The following PARN variants were observed in gnomAD, a reference collection of about 807,000 sequenced individuals.
PARN encodes poly(A)-specific ribonuclease PARN.
A neutral mutation model predicts 102.8 loss-of-function variants in PARN; 71 were observed. The ratio of observed to expected loss-of-function variants is 0.69; its 90% CI spans 0.57 to 0.84. The LOEUF is 0.84. Among genes scored for constraint, PARN ranks in the 40% least tolerant of loss-of-function variants. The pLI is 0.00. For synonymous variants in PARN, 261 were observed against 252.9 expected, an observed-to-expected ratio of 1.03 and a Z score of -0.30; for missense variants, 782 against 760.9, an observed-to-expected ratio of 1.03 and a Z score of -0.33.
chr16:14,569,012 GA>G (rs1968616761), intron 18 of PARN, among the ~76,000 whole-genome samples: 2 of 151,910 alleles, frequency 1.3e-5, no homozygotes, highest in Non-Finnish European at 2.9e-5. Context: ...AAGAGTTCGA[GA>G]CCAGCCTGGC....
rs556979516 is a variant in PARN at position 14,456,559 on chromosome 16, T to C, written c.1671-9478A>G. On this transcript the variant is annotated intron_variant, in intron 22 of 23. Coordinates refer to ENST00000437198, the MANE Select transcript of PARN (RefSeq NM_002582.4). Reference sequence around the variant, plus strand: ...TGTATAAAATAACAGTACCCTTTCATTTTAAAGAGCTGCTGTTTGCAACAT... The same window carrying C: ...TGTATAAAATAACAGTACCCTTTCACTTTAAAGAGCTGCTGTTTGCAACAT... Among the ~76,000 whole-genome samples the C allele has an allele frequency of 2.5e-4, 38 of 152,272 alleles. No individual in the cohort carries two copies. In the Middle Eastern group the frequency reaches 0.024, roughly 95 times the overall value.
intron 21 of PARN, among the ~76,000 whole-genome samples, chr16:14,504,460 G>A (rs541875074): frequency 2.2e-4 from 34 of 152,282 alleles, no homozygotes; most frequent in Non-Finnish European, 4.3e-4. Flanking sequence ...TCGGGAGGCT[G>A]AGGCAGGAAA....
At chr16:14,560,756 C>T (rs1360430654) in intron 18 of PARN, among the ~76,000 whole-genome samples, 3 of 152,260 alleles carry the variant, frequency 2.0e-5, no homozygotes, top group Admixed American at 6.5e-5. Flanking sequence ...GGCTACACAG[C>T]ATACGCTACA....
At chr16:14,521,566 C>T (rs925475121) in intron 21 of PARN, among the ~76,000 whole-genome samples, 12 of 152,062 alleles carry the variant, frequency 7.9e-5, no homozygotes, top group African/African-American at 2.2e-4. Flanking sequence ...TGGGAGGCTG[C>T]GGCGGGCGGA....
At chr16:14,488,742 A>C (rs934775123) in intron 21 of PARN, among the ~76,000 whole-genome samples, 1 of 152,208 alleles carries the variant, frequency 6.6e-6, no homozygotes, top group Non-Finnish European at 1.5e-5. Flanking sequence ...GTGTGGAGCA[A>C]CAGGATCCCC....
At chr16:14,479,631 A>G (rs1963268522) in intron 22 of PARN, among the ~76,000 whole-genome samples, 1 of 152,188 alleles carries the variant, frequency 6.6e-6, no homozygotes. Flanking sequence ...ATAAACCAAC[A>G]GTAATAAGAT....
chr16:14,455,270 G>A (rs1039316809), intron 22 of PARN, among the ~76,000 whole-genome samples: 4 of 152,068 alleles, frequency 2.6e-5, no homozygotes, highest in East Asian at 1.9e-4. Context: ...GACTATATAC[G>A]GCTTCATATA....
chr16:14,545,632 A>G (rs1181702300), intron 21 of PARN, among the ~76,000 whole-genome samples: 1 of 152,230 alleles, frequency 6.6e-6, no homozygotes, highest in Non-Finnish European at 1.5e-5. Flanking sequence ...GCTGACCATA[A>G]GGCCTGTGCG....
At chr16:14,547,015 C>T (rs866536428) in intron 21 of PARN, among the ~76,000 whole-genome samples, 5 of 151,652 alleles carry the variant, frequency 3.3e-5, no homozygotes, top group Non-Finnish European at 7.4e-5. Context: ...ATTGCTTGAA[C>T]CTAGGAGGCA....
intron 22 of PARN, among the ~76,000 whole-genome samples, chr16:14,452,002 T>G (rs1378065190): frequency 6.6e-6 from 1 of 151,310 alleles, no homozygotes; most frequent in African/African-American, 2.4e-5. Context: ...CAGTGAGCCA[T>G]GACCAGCCCA....
chr16:14,597,282 T>C (rs761164914), intron 12 of PARN, among the ~76,000 whole-genome samples: 39 of 152,198 alleles, frequency 2.6e-4, no homozygotes, highest in Non-Finnish European at 5.1e-4. Flanking sequence ...ATTCATAAAC[T>C]ATAAAGTTAA....
At chr16:14,474,569 G>A (rs1481828866) in intron 22 of PARN, among the ~76,000 whole-genome samples, 1 of 152,168 alleles carries the variant, frequency 6.6e-6, no homozygotes, top group African/African-American at 2.4e-5. Context: ...GAGCCAGAAG[G>A]GACGTCAGCA....
intron 6 of PARN, among the ~76,000 whole-genome samples, chr16:14,616,797 T>C (rs1172791080): frequency 6.6e-6 from 1 of 151,660 alleles, no homozygotes; most frequent in South Asian, 2.1e-4. Flanking sequence ...AAAATAAACA[T>C]AAAAAATAAA....
intron 18 of PARN, among the ~76,000 whole-genome samples, chr16:14,560,363 A>G (rs972763098): frequency 6.6e-6 from 1 of 152,262 alleles, no homozygotes; most frequent in African/African-American, 2.4e-5. Context: ...GTAACACGGT[A>G]AAGACCCTCA....
At position 14,529,283 on chromosome 16, in the gene PARN, T is replaced by C. The variant is rs945558767; in HGVS notation, c.1480+22738A>G. Among the ~76,000 whole-genome samples the C allele has an allele frequency of 4.6e-5, 7 of 152,286 alleles. No homozygotes were observed. In the East Asian group the frequency reaches 1.3e-3, roughly 29 times the overall value. ...TTTTACTTGGCGTTGGAAAGGTAGA[T>C]TGGTTGCCAGCACGACAGCACCACC... On this transcript the variant is annotated intron_variant, in intron 21 of 23. Coordinates refer to ENST00000437198, the MANE Select transcript of PARN (RefSeq NM_002582.4).
chr16:14,555,235 T>A (rs1252852199), intron 19 of PARN, among the ~76,000 whole-genome samples: 1 of 152,110 alleles, frequency 6.6e-6, no homozygotes, highest in Non-Finnish European at 1.5e-5. Context: ...CCACGTTTTT[T>A]AAATAAAACA....
chr16:14,552,738 C>G (rs893464994), intron 20 of PARN, among the ~76,000 whole-genome samples: 1 of 152,084 alleles, frequency 6.6e-6, no homozygotes, highest in Non-Finnish European at 1.5e-5. Flanking sequence ...CACCTGAGGT[C>G]AGGAGTTTGA....
intron 11 of PARN, among the ~76,000 whole-genome samples, chr16:14,601,557 T>C (rs1055641030): frequency 1.3e-5 from 2 of 152,162 alleles, no homozygotes; most frequent in African/African-American, 4.8e-5. Context: ...TTAAACTACT[T>C]GATGTCACTG....
At chr16:14,443,277 T>C (rs917655936) in intron 23 of PARN, among the ~76,000 whole-genome samples, 1 of 152,074 alleles carries the variant, frequency 6.6e-6, no homozygotes, top group Non-Finnish European at 1.5e-5. Flanking sequence ...ATGTATACTA[T>C]GAGTTCATGT....
Sources: gnomAD v4.1 joint callset for allele counts (sites outside exome capture counted in the v4.1 genomes callset) on GRCh38, gnomAD v4.1.1 for gene constraint, MANE v1.5 for transcripts, NCBI Gene and HGNC (gene_info 2026-07-23, HGNC 2026-07-21) for gene names.